HIVEP3: variants seen among roughly 807,000 people sequenced by gnomAD.
The protein encoded by HIVEP3 is HIVEP zinc finger 3, also known as transcription factor HIVEP3.
Under a neutral mutation model 152.8 loss-of-function variants are expected in HIVEP3, and 49 were observed. The ratio of observed to expected loss-of-function variants is 0.32; its 90% CI spans 0.26 to 0.41. The LOEUF (loss-of-function observed/expected upper bound fraction) is 0.41. HIVEP3 is among the 10% of genes least tolerant of loss of function. The pLI is 1.00. For missense variants in HIVEP3, 2,790 were observed against 3,103.3 expected (o/e 0.90, Z 2.40); for synonymous variants, 1,269 against 1,289.0 (o/e 0.98, Z 0.33).
At chr1:41,837,305 T>G (rs1643152633) in intron 1 of HIVEP3, among the ~76,000 whole-genome samples, 1 of 152,058 alleles carries the variant, frequency 6.6e-6, no homozygotes, top group Non-Finnish European at 1.5e-5. Context: ...CTGTCCTACT[T>G]TTTGCTCTTT....
At chr1:41,609,960 AAT>A (rs1417510947) in intron 3 of HIVEP3, among the ~76,000 whole-genome samples, 4 of 152,234 alleles carry the variant, frequency 2.6e-5, no homozygotes, top group African/African-American at 9.7e-5. Context: ...CGCTTTCCAC[AAT>A]ATGAGTGAGC....
intron 5 of HIVEP3, among the ~76,000 whole-genome samples, chr1:41,567,601 A>G (rs1644186035): frequency 6.6e-6 from 1 of 152,150 alleles, no homozygotes; most frequent in African/African-American, 2.4e-5. Context: ...GCCTAGACCC[A>G]CCCCAGAAGA....
intron 5 of HIVEP3, among the ~76,000 whole-genome samples, chr1:41,549,262 C>G (rs1283546910): frequency 2.0e-5 from 3 of 152,180 alleles, no homozygotes; most frequent in Non-Finnish European, 2.9e-5. Flanking sequence ...TTTTCTTAAT[C>G]CAGTCTATCA....
intron 1 of HIVEP3, among the ~76,000 whole-genome samples, chr1:41,963,453 G>A (rs1459982698): frequency 1.3e-5 from 2 of 151,310 alleles, no homozygotes; most frequent in African/African-American, 2.4e-5. Context: ...TTTTTCATAG[G>A]TGGGAATTGA....
intron 1 of HIVEP3, among the ~76,000 whole-genome samples, chr1:41,858,843 A>AG (rs933568546): frequency 6.6e-6 from 1 of 152,136 alleles, no homozygotes; most frequent in Non-Finnish European, 1.5e-5. Context: ...CTGCATGAGG[A>AG]GGGGGTCTAG....
intron 1 of HIVEP3, among the ~76,000 whole-genome samples, chr1:41,953,127 G>A (rs1479488666): frequency 6.6e-6 from 1 of 152,154 alleles, no homozygotes; most frequent in Admixed American, 6.5e-5. Context: ...CCCTAGGCCT[G>A]CAATGATCTT....
Position 41,799,645 on chromosome 1 carries a change from C to T in HIVEP3, c.-800-98650G>A, listed in dbSNP as rs374088868. On this transcript the variant is annotated intron_variant, in intron 1 of 8. Transcript: ENST00000372583. ...ATCAATCCCATTAGATTCCCATCTC[C>T]CTTTAATACATTTCCTCTTTTTTTA... is the stretch of plus-strand genomic sequence containing the variant. Among the ~76,000 whole-genome samples, 32 of 152,262 alleles carry T rather than the reference C, an allele frequency of 2.1e-4. 1 individual carries two copies. In the South Asian group the frequency reaches 6.6e-3, roughly 32 times the overall value.
intron 2 of HIVEP3, among the ~76,000 whole-genome samples, chr1:41,696,549 C>T (rs1646279009): frequency 6.6e-6 from 1 of 152,206 alleles, no homozygotes; most frequent in Non-Finnish European, 1.5e-5. Flanking sequence ...AGATGTGCAC[C>T]CGCCAGACAC....
intron 1 of HIVEP3, among the ~76,000 whole-genome samples, chr1:41,796,439 C>T (rs954245751): frequency 6.6e-6 from 1 of 152,244 alleles, no homozygotes; most frequent in African/African-American, 2.4e-5. Flanking sequence ...AAATCCCAGC[C>T]CTGCCACTAA....
In HIVEP3 at chr1:41,766,023, G is replaced by A. The variant is rs1168962881; in HGVS notation, c.-800-65028C>T. On this transcript the variant is annotated intron_variant, in intron 1 of 8. Transcript: ENST00000372583. ...TTGCTGCTGCACTTGCCCCTAGCTGGGCTTGGCCGCTGCTGCAGAGGGCCA... is the reference window on the plus strand; with the variant it reads ...TTGCTGCTGCACTTGCCCCTAGCTGAGCTTGGCCGCTGCTGCAGAGGGCCA... Among the ~76,000 whole-genome samples, 10 of 152,312 alleles carry A rather than the reference G, an allele frequency of 6.6e-5. No individual in the cohort carries two copies. The South Asian group carries it at 1.7e-3, about 25-fold the overall frequency.
At chr1:41,570,925 G>A (rs966104051) in intron 5 of HIVEP3, among the ~76,000 whole-genome samples, 1 of 152,166 alleles carries the variant, frequency 6.6e-6, no homozygotes, top group African/African-American at 2.4e-5. Flanking sequence ...AGAGAAATCT[G>A]GCAATATGGC....
At chr1:41,782,982 G>T (rs1649141467) in intron 1 of HIVEP3, among the ~76,000 whole-genome samples, 1 of 152,090 alleles carries the variant, frequency 6.6e-6, no homozygotes, top group Admixed American at 6.5e-5. Flanking sequence ...TCAGCAGCGG[G>T]GCTTCAGGGT....
At chr1:41,891,153 G>A (rs1282084886) in intron 1 of HIVEP3, among the ~76,000 whole-genome samples, 2 of 152,162 alleles carry the variant, frequency 1.3e-5, no homozygotes, top group Admixed American at 6.5e-5. Flanking sequence ...CTCGTCTGGT[G>A]TAAGATTTAT....
intron 5 of HIVEP3, among the ~76,000 whole-genome samples, chr1:41,535,109 A>G (rs1346042907): frequency 6.6e-6 from 1 of 152,168 alleles, no homozygotes; most frequent in Non-Finnish European, 1.5e-5. Context: ...GACATGGCCA[A>G]GACCACCCAG....
At position 41,575,685 on chromosome 1, in the gene HIVEP3, T is replaced by C. The variant is rs780401973; in HGVS notation, c.5066A>G (p.His1689Arg). 30 of 1,613,408 alleles carry C rather than the reference T, an allele frequency of 1.9e-5. No homozygotes were observed. In the South Asian group the frequency reaches 2.2e-4, roughly 12 times the overall value. Residue 1689 changes from histidine to arginine, a missense_variant, in exon 5 of 9, where the codon CAC (histidine) becomes CGC (arginine). Around this residue, in one of 9 missense-constraint regions of HIVEP3, gnomAD observed 1,078 missense variants for 1,165.3 expected, o/e 0.93. Transcript: ENST00000372583. ...TTCCGGGGAAACCAGTGAAGGGAGG[T>C]GAACCTGGCCCACCGCAGGAATGAC... ...SSRKPRMTEV[H>R]LPSLVSPEGQ...
intron 5 of HIVEP3, among the ~76,000 whole-genome samples, chr1:41,531,850 A>C (rs1450225637): frequency 1.4e-5 from 1 of 73,160 alleles, no homozygotes; most frequent in African/African-American, 5.6e-5. Flanking sequence ...GGAGAGATGG[A>C]AGACGGGAGA....
intron 1 of HIVEP3, among the ~76,000 whole-genome samples, chr1:41,910,858 G>A (rs964585364): frequency 3.3e-5 from 5 of 151,876 alleles, no homozygotes; most frequent in Non-Finnish European, 1.5e-5. Context: ...TCCTAATAAG[G>A]AATATCAAAT....
At chr1:41,823,332 CT>C (rs1209912063) in intron 1 of HIVEP3, among the ~76,000 whole-genome samples, 2 of 152,214 alleles carry the variant, frequency 1.3e-5, no homozygotes, top group Non-Finnish European at 2.9e-5. Context: ...GCATTGTATG[CT>C]TAATCTCCTC....
chr1:41,975,029 C>T (rs1428078723), intron 1 of HIVEP3, among the ~76,000 whole-genome samples: 1 of 152,106 alleles, frequency 6.6e-6, no homozygotes, highest in East Asian at 1.9e-4. Context: ...TCCCAAGGGC[C>T]ACATCCCTTC....
Sources: allele counts gnomAD v4.1 joint callset (sites outside exome capture counted in the v4.1 genomes callset), GRCh38; gene constraint gnomAD v4.1.1; regional missense constraint gnomAD v4.1.1; transcripts MANE v1.5; gene names NCBI Gene and HGNC (gene_info 2026-07-23, HGNC 2026-07-21).